Variants in HMGA2 observed in about 807,000 individuals in gnomAD.
The protein encoded by HMGA2 is high mobility group protein HMGI-C.
A neutral mutation model predicts 19.1 loss-of-function variants in HMGA2; 8 were observed. The ratio of observed to expected loss-of-function variants is 0.42; its 90% CI spans 0.25 to 0.76. HMGA2 has a LOEUF of 0.76. Among genes scored for constraint, HMGA2 ranks in the 30% least tolerant of loss-of-function variants. The pLI, the probability that HMGA2 is intolerant of heterozygous loss-of-function variation, is 0.28. For missense variants in HMGA2, 109 were observed against 136.3 expected (o/e 0.80, Z 1.00); for synonymous variants, 60 against 48.8 (o/e 1.23, Z -0.96).
intron 3 of HMGA2, chr12:65,866,928 A>T (rs1344906447): frequency 2.2e-6 from 1 of 457,022 alleles, no homozygotes; most frequent in Non-Finnish European, 4.4e-6. Flanking sequence ...CTGTCAAGAT[A>T]GGAACATGTG....
intron 3 of HMGA2, among the ~76,000 whole-genome samples, chr12:65,887,997 A>C (rs1873731000): frequency 6.6e-6 from 1 of 152,014 alleles, no homozygotes; most frequent in Non-Finnish European, 1.5e-5. Flanking sequence ...TTTCTATTAG[A>C]ATTTCCTCTC....
rs185159161 is a variant in HMGA2 at position 65,951,264 on chromosome 12, G to A, written c.250-119G>A. 6 of 667,864 alleles carry A rather than the reference G, an allele frequency of 9.0e-6. No individual in the cohort carries two copies. In the Admixed American group the frequency reaches 1.8e-4, roughly 20 times the overall value. 41.4% of individuals were successfully genotyped at this position (667,864 alleles called of 1,614,324 possible). On this transcript the variant is annotated intron_variant, in intron 3 of 4. Coordinates refer to ENST00000403681, the MANE Select transcript of HMGA2 (RefSeq NM_003483.6). ...ACTTTTAACATTGGATATACCAGTT[G>A]AACTTTATACTTTCCTCTTTCCTTT...
At chr12:65,849,302 G>A (rs981650416) in intron 3 of HMGA2, among the ~76,000 whole-genome samples, 2 of 152,162 alleles carry the variant, frequency 1.3e-5, no homozygotes, top group African/African-American at 4.8e-5. Context: ...TCTCCTAGGG[G>A]TGGAGTTAGA....
At chr12:65,880,422 A>C (rs1873312437) in intron 3 of HMGA2, among the ~76,000 whole-genome samples, 1 of 152,216 alleles carries the variant, frequency 6.6e-6, no homozygotes, top group Non-Finnish European at 1.5e-5. Context: ...TTAAAGATTA[A>C]AATAAAAACT....
chr12:65,867,756 C>T (rs566620550), intron 3 of HMGA2: 16 of 227,012 alleles, frequency 7.0e-5, no homozygotes, highest in East Asian at 2.6e-4. Flanking sequence ...TCTGAATTAA[C>T]GTATTAACAC....
intron 3 of HMGA2, among the ~76,000 whole-genome samples, chr12:65,884,425 C>T (rs758553838): frequency 6.6e-5 from 10 of 152,196 alleles, no homozygotes; most frequent in Non-Finnish European, 1.0e-4. Context: ...TTTGCATGCT[C>T]ATGGCTGTTG....
chr12:65,891,562 G>C (rs1873912935), intron 3 of HMGA2, among the ~76,000 whole-genome samples: 1 of 152,152 alleles, frequency 6.6e-6, no homozygotes, highest in African/African-American at 2.4e-5. Flanking sequence ...TCATCAACAT[G>C]CATTGTTGAA....
chr12:65,898,684 G>A (rs568442698), intron 3 of HMGA2, among the ~76,000 whole-genome samples: 15 of 152,016 alleles, frequency 9.9e-5, no homozygotes, highest in Non-Finnish European at 1.9e-4. Flanking sequence ...TATGTCCAGC[G>A]CATGATTCAC....
At chr12:65,932,691 T>A (rs557064104) in intron 3 of HMGA2, among the ~76,000 whole-genome samples, 1 of 152,212 alleles carries the variant, frequency 6.6e-6, no homozygotes, top group South Asian at 2.1e-4. Context: ...TAATGCCCTG[T>A]CCCTCCTTGA....
At chr12:65,875,016 T>C (rs962511970) in intron 3 of HMGA2, among the ~76,000 whole-genome samples, 1 of 152,126 alleles carries the variant, frequency 6.6e-6, no homozygotes, top group African/African-American at 2.4e-5. Context: ...AATACCCTTT[T>C]AGAATTATCA....
chr12:65,953,745 C>T (rs1422217871), intron 4 of HMGA2: 1 of 152,114 alleles, frequency 6.6e-6, no homozygotes, highest in Non-Finnish European at 1.5e-5. Context: ...GCTCATTGGG[C>T]TACCTAATTT....
chr12:65,847,573 A>G (rs1871281539), intron 3 of HMGA2, among the ~76,000 whole-genome samples: 1 of 152,190 alleles, frequency 6.6e-6, no homozygotes, highest in African/African-American at 2.4e-5. Context: ...GAATTCAGCA[A>G]AGTGATTAAG....
intron 3 of HMGA2, among the ~76,000 whole-genome samples, chr12:65,907,996 G>A (rs961846400): frequency 2.6e-5 from 4 of 152,026 alleles, no homozygotes; most frequent in African/African-American, 9.7e-5. Flanking sequence ...TCAAATCTTT[G>A]TCCTTTAAAT....
intron 3 of HMGA2, chr12:65,860,012 A>G (rs978849224): frequency 2.2e-6 from 1 of 451,344 alleles, no homozygotes; most frequent in Admixed American, 2.4e-5. Flanking sequence ...AAAATGCTTG[A>G]GCCTGGCATG....
chr12:65,838,400 A>C (rs1319231092), intron 2 of HMGA2, 119 bp from the exon 3 acceptor site: 15 of 764,868 alleles, frequency 2.0e-5, no homozygotes, highest in Admixed American at 2.8e-5. Context: ...AAACAAAAAA[A>C]AAAAAACCGA....
chr12:65,916,415 T>C (rs1289182045), intron 3 of HMGA2, among the ~76,000 whole-genome samples: 4 of 152,256 alleles, frequency 2.6e-5, no homozygotes, highest in African/African-American at 7.2e-5. Flanking sequence ...AATTCCATTG[T>C]TACATTTATC....
At chr12:65,867,377 T>A (rs1254950741) in intron 3 of HMGA2, 1 of 369,104 alleles carries the variant, frequency 2.7e-6, no homozygotes, top group Admixed American at 3.2e-5. Flanking sequence ...TTCTAGGAAC[T>A]TAATCTGTTA....
chr12:65,844,172 T>C (rs1404595102), intron 3 of HMGA2, among the ~76,000 whole-genome samples: 1 of 152,116 alleles, frequency 6.6e-6, no homozygotes, highest in Non-Finnish European at 1.5e-5. Context: ...AACTTTGATA[T>C]GACATCAAAA....
intron 3 of HMGA2, among the ~76,000 whole-genome samples, chr12:65,930,326 A>G (rs956825048): frequency 1.3e-5 from 2 of 152,088 alleles, no homozygotes; most frequent in Non-Finnish European, 2.9e-5. Flanking sequence ...CATGACCACC[A>G]CCTTAATCCT....
Sources: allele counts gnomAD v4.1 joint callset (sites outside exome capture counted in the v4.1 genomes callset), GRCh38; gene constraint gnomAD v4.1.1; transcripts MANE v1.5; gene names NCBI Gene and HGNC (gene_info 2026-07-23, HGNC 2026-07-21).